Variants in ZNF804A observed in about 807,000 individuals in gnomAD.
The protein encoded by ZNF804A is zinc finger protein 804A.
ZNF804A carries 2 observed loss-of-function variants against 16.5 expected under a neutral mutation model. The ratio of observed to expected loss-of-function variants is 0.12; its 90% CI spans 0.05 to 0.38. ZNF804A has a LOEUF of 0.38. Ranked by LOEUF, ZNF804A falls within the 10% of genes least tolerant of loss-of-function variation. ZNF804A has a pLI of 0.99. For synonymous variants in ZNF804A, 534 were observed against 489.6 expected (o/e 1.09, Z -1.20); for missense variants, 1,473 against 1,390.7 (o/e 1.06, Z -0.94).
At chr2:184,906,753 G>T (rs1213619208) in intron 2 of ZNF804A, among the ~76,000 whole-genome samples, 2 of 152,100 alleles carry the variant, frequency 1.3e-5, no homozygotes, top group Non-Finnish European at 2.9e-5. Flanking sequence ...ATACAATTAA[G>T]ATCTCAAATC....
chr2:184,636,306 T>TTG (rs1182275801), intron 1 of ZNF804A, among the ~76,000 whole-genome samples: 48 of 121,466 alleles, frequency 4.0e-4, no homozygotes, highest in African/African-American at 7.9e-4. Flanking sequence ...TTGTTTTCTT[T>TTG]TGTGTGTGTG....
At chr2:184,730,321 A>T (rs1693492657) in intron 1 of ZNF804A, among the ~76,000 whole-genome samples, 1 of 151,384 alleles carries the variant, frequency 6.6e-6, no homozygotes, top group African/African-American at 2.4e-5. Flanking sequence ...TTATTTCATT[A>T]TCAACAACCC....
chr2:184,668,626 A>G (rs1168665534), intron 1 of ZNF804A, among the ~76,000 whole-genome samples: 2 of 151,936 alleles, frequency 1.3e-5, no homozygotes, highest in African/African-American at 2.4e-5. Flanking sequence ...TGGATCCTTG[A>G]AGAAAAGAAA....
intron 1 of ZNF804A, among the ~76,000 whole-genome samples, chr2:184,768,440 T>C (rs1694163072): frequency 6.6e-6 from 1 of 152,048 alleles, no homozygotes; most frequent in Admixed American, 6.6e-5. Flanking sequence ...AATTTGGAAT[T>C]TTGGGTACAT....
At chr2:184,821,272 C>T (rs1225752028) in intron 1 of ZNF804A, among the ~76,000 whole-genome samples, 3 of 151,994 alleles carry the variant, frequency 2.0e-5, no homozygotes, top group Non-Finnish European at 4.4e-5. Context: ...CACCTACAAC[C>T]GTCTGAGCTG....
chr2:184,830,336 G>T (rs1021902010), intron 1 of ZNF804A, among the ~76,000 whole-genome samples: 1 of 152,070 alleles, frequency 6.6e-6, no homozygotes, highest in Admixed American at 6.6e-5. Context: ...CTTGAAACAA[G>T]TTTTAAAATA....
intron 1 of ZNF804A, among the ~76,000 whole-genome samples, chr2:184,679,944 C>T (rs1455614484): frequency 6.6e-6 from 1 of 152,180 alleles, no homozygotes; most frequent in Non-Finnish European, 1.5e-5. Flanking sequence ...GCTGGGCTGC[C>T]AGTTCCCAGG....
rs565068456 is a variant in ZNF804A at position 184,603,810 on chromosome 2, A to G, written c.111+4740A>G. On this transcript the variant is annotated intron_variant, in intron 1 of 3. Coordinates refer to ENST00000302277, the MANE Select transcript of ZNF804A (RefSeq NM_194250.2). Reference sequence around the variant, plus strand: ...TTTCATTTAAACTCTTATATATTCAATATTAAAGACCATCTTGTGTTTCAA... The same window carrying G: ...TTTCATTTAAACTCTTATATATTCAGTATTAAAGACCATCTTGTGTTTCAA... Among the ~76,000 whole-genome samples the G allele has an allele frequency of 3.3e-5, 5 of 152,268 alleles. No individual in the cohort carries two copies. The South Asian group carries it at 1.0e-3, about 32-fold the overall frequency.
intron 1 of ZNF804A, among the ~76,000 whole-genome samples, chr2:184,727,588 T>C (rs1693434521): frequency 6.6e-6 from 1 of 151,622 alleles, no homozygotes; most frequent in South Asian, 2.1e-4. Context: ...TTTTAACTAT[T>C]TTAGTACCAC....
intron 1 of ZNF804A, among the ~76,000 whole-genome samples, chr2:184,764,161 CA>C: frequency 6.6e-6 from 1 of 151,862 alleles, no homozygotes; most frequent in East Asian, 1.9e-4. Flanking sequence ...AAAATAAGAA[CA>C]ACTTTCAAAT....
At chr2:184,711,234 G>T (rs1271693470) in intron 1 of ZNF804A, among the ~76,000 whole-genome samples, 3 of 151,648 alleles carry the variant, frequency 2.0e-5, no homozygotes, top group Non-Finnish European at 4.4e-5. Context: ...TTGTGGTTTT[G>T]ATTAGCTTTT....
intron 2 of ZNF804A, among the ~76,000 whole-genome samples, chr2:184,926,976 A>T (rs1247288005): frequency 1.3e-5 from 2 of 152,148 alleles, no homozygotes; most frequent in Middle Eastern, 3.2e-3. Flanking sequence ...GAAGAGTCAC[A>T]TATGCCTGTT....
At chr2:184,647,650 ATGAAGATC>A (rs1691903901) in intron 1 of ZNF804A, among the ~76,000 whole-genome samples, 1 of 152,234 alleles carries the variant, frequency 6.6e-6, no homozygotes, top group Non-Finnish European at 1.5e-5. Flanking sequence ...ATGTCAAAGC[ATGAAGATC>A]TGTATTTTGA....
At position 184,938,961 on chromosome 2, in the gene ZNF804A, C is replaced by T; in HGVS notation, c.3565C>T (p.His1189Tyr). 10 of 1,613,838 alleles carry T rather than the reference C, an allele frequency of 6.2e-6. No homozygotes were observed. The highest frequency in any genetic ancestry group is 8.5e-6 in the Non-Finnish European group (10 of 1,179,940). Residue 1189 changes from histidine (H) to tyrosine (Y), a missense_variant, in exon 4 of 4, where the codon CAT (histidine) becomes TAT (tyrosine). Physicochemically the swap from His to Tyr is moderately conservative, Grantham distance 83. Coordinates refer to ENST00000302277, the MANE Select transcript of ZNF804A (RefSeq NM_194250.2). ...CCATCTGGCTTTCCCATCTTTACCC[C>T]ATGCACTCTTTCCTTCACTGCTTTC... Reference protein sequence around the residue: ...PSHLAFPSLPHALFPSLLSPH... With the variant: ...PSHLAFPSLPYALFPSLLSPH...
intron 1 of ZNF804A, among the ~76,000 whole-genome samples, chr2:184,673,437 C>A (rs916777243): frequency 1.3e-5 from 2 of 152,128 alleles, no homozygotes; most frequent in African/African-American, 4.8e-5. Context: ...GCCAAGAAAG[C>A]TTTGCTGAAA....
intron 1 of ZNF804A, among the ~76,000 whole-genome samples, chr2:184,635,358 G>A (rs1052676799): frequency 2.0e-5 from 3 of 152,080 alleles, no homozygotes; most frequent in Admixed American, 6.6e-5. Context: ...GTATTATAAA[G>A]CTGTCTACTT....
chr2:184,684,428 G>A (rs1416311268), intron 1 of ZNF804A, among the ~76,000 whole-genome samples: 1 of 152,108 alleles, frequency 6.6e-6, no homozygotes. Context: ...TGTTTTATAA[G>A]CTCTATCTAA....
At chr2:184,660,690 A>G (rs1020012196) in intron 1 of ZNF804A, among the ~76,000 whole-genome samples, 1 of 152,246 alleles carries the variant, frequency 6.6e-6, no homozygotes, top group African/African-American at 2.4e-5. Context: ...GTCTACTATG[A>G]AAAAACACAT....
chr2:184,823,064 A>G (rs916684974), intron 1 of ZNF804A, among the ~76,000 whole-genome samples: 1 of 152,110 alleles, frequency 6.6e-6, no homozygotes, highest in Non-Finnish European at 1.5e-5. Flanking sequence ...AATGATAGAA[A>G]TGTATTTCAC....
Sources: gnomAD v4.1 joint callset for allele counts (sites outside exome capture counted in the v4.1 genomes callset) on GRCh38, gnomAD v4.1.1 for gene constraint, MANE v1.5 for transcripts, NCBI Gene and HGNC (gene_info 2026-07-23, HGNC 2026-07-21) for gene names.